The following PTPRD variants were observed in gnomAD, a reference collection of about 807,000 sequenced individuals.
PTPRD encodes protein tyrosine phosphatase receptor type D, also known as receptor-type tyrosine-protein phosphatase delta.
A neutral mutation model predicts 214.5 loss-of-function variants in PTPRD; 34 were observed. The ratio of observed to expected loss-of-function variants is 0.16; its 90% CI spans 0.12 to 0.21. PTPRD has a LOEUF of 0.21. Among genes scored for constraint, PTPRD ranks in the 10% least tolerant of loss-of-function variants. The pLI is 1.00. For synonymous variants in PTPRD, 1,128 were observed against 845.7 expected (o/e 1.33, Z -5.79); for missense variants, 2,545 against 2,398.7 (o/e 1.06, Z -1.27).
At chr9:10,576,470 G>A (rs922859019) in intron 2 of PTPRD, among the ~76,000 whole-genome samples, 2 of 152,072 alleles carry the variant, frequency 1.3e-5, no homozygotes, top group African/African-American at 4.8e-5. Context: ...AGAAATTCAG[G>A]GTCCACGTAA....
At chr9:9,521,672 G>A (rs75040697) in intron 8 of PTPRD, among the ~76,000 whole-genome samples, 1,861 of 152,194 alleles carry the variant, frequency 0.012, 38 homozygotes, top group African/African-American at 0.042. Flanking sequence ...CCTATGCCTC[G>A]TAAATGACAT....
intron 8 of PTPRD, among the ~76,000 whole-genome samples, chr9:9,509,721 G>T (rs921010470): frequency 6.6e-6 from 1 of 151,484 alleles, no homozygotes; most frequent in Non-Finnish European, 1.5e-5. Flanking sequence ...TTTCTGTGCA[G>T]TGAGTAGCAG....
intron 11 of PTPRD, among the ~76,000 whole-genome samples, chr9:8,851,955 C>T (rs12351496): frequency 0.18 from 27,627 of 151,946 alleles, 2,818 homozygotes; most frequent in South Asian, 0.34. Context: ...ATTACATGCA[C>T]GCATGGTTAA....
intron 11 of PTPRD, among the ~76,000 whole-genome samples, chr9:8,830,414 C>G (rs2097264112): frequency 6.6e-6 from 1 of 151,980 alleles, no homozygotes; most frequent in Non-Finnish European, 1.5e-5. Flanking sequence ...TGGGCACTCT[C>G]AAAAGTCCAC....
intron 8 of PTPRD, among the ~76,000 whole-genome samples, chr9:9,444,340 C>A (rs1043007552): frequency 6.6e-6 from 1 of 152,204 alleles, no homozygotes; most frequent in East Asian, 1.9e-4. Flanking sequence ...GATTTGATAT[C>A]TATTTTTTGT....
At chr9:9,218,065 G>A (rs879730969) in intron 9 of PTPRD, among the ~76,000 whole-genome samples, 6 of 152,080 alleles carry the variant, frequency 3.9e-5, no homozygotes, top group Admixed American at 2.6e-4. Context: ...ATCTGTTTAA[G>A]GAACACCTGA....
chr9:8,526,612 G>T lies in PTPRD; in HGVS notation c.568+15C>A. 1 of 1,577,406 alleles carries T rather than the reference G, an allele frequency of 6.3e-7. No individual in the cohort carries two copies. The highest frequency in any genetic ancestry group is 1.8e-5 in the Admixed American group (1 of 55,494). Reference sequence around the variant, plus strand: ...GAGTAAGATCATTCTGTGAACGTTAGTTCAGCACTCTTACCTCTTATTGGT... The same window carrying T: ...GAGTAAGATCATTCTGTGAACGTTATTTCAGCACTCTTACCTCTTATTGGT... On this transcript the variant is annotated intron_variant, in intron 17 of 45. Transcript: ENST00000381196.
At chr9:9,555,328 A>T (rs1215674566) in intron 8 of PTPRD, among the ~76,000 whole-genome samples, 4 of 152,048 alleles carry the variant, frequency 2.6e-5, no homozygotes, top group Admixed American at 1.3e-4. Context: ...ATAATTATTG[A>T]CCAGTCACCT....
At chr9:9,074,363 G>A (rs1021766233) in intron 10 of PTPRD, among the ~76,000 whole-genome samples, 3 of 152,048 alleles carry the variant, frequency 2.0e-5, no homozygotes, top group Non-Finnish European at 4.4e-5. Context: ...TAATGAAAAT[G>A]CTTTAGGATT....
intron 11 of PTPRD, among the ~76,000 whole-genome samples, chr9:8,980,643 G>A (rs993277832): frequency 2.0e-5 from 3 of 152,036 alleles, no homozygotes; most frequent in Non-Finnish European, 4.4e-5. Context: ...CTAAACAGAT[G>A]GAATTTTTCC....
At chr9:9,595,919 C>G (rs564846511) in intron 7 of PTPRD, among the ~76,000 whole-genome samples, 5 of 151,522 alleles carry the variant, frequency 3.3e-5, no homozygotes, top group Admixed American at 2.0e-4. Flanking sequence ...AATCAAACAC[C>G]ACTTCTTCCC....
At chr9:10,532,711 T>C (rs1291285223) in intron 2 of PTPRD, among the ~76,000 whole-genome samples, 1 of 151,204 alleles carries the variant, frequency 6.6e-6, no homozygotes. Flanking sequence ...GCAGGTTTTA[T>C]TCTTTTAATC....
intron 7 of PTPRD, among the ~76,000 whole-genome samples, chr9:9,600,382 A>T (rs2093659163): frequency 6.7e-6 from 1 of 149,470 alleles, no homozygotes; most frequent in African/African-American, 2.5e-5. Context: ...TGAGGATACT[A>T]CTCATGGATC....
Position 8,571,394 on chromosome 9 carries a change from T to C in PTPRD, c.353-42615A>G, listed in dbSNP as rs1192950233. Among the ~76,000 whole-genome samples the C allele has an allele frequency of 5.3e-5, 8 of 152,186 alleles. No homozygotes were observed. In the East Asian group the frequency reaches 1.5e-3, roughly 29 times the overall value. On this transcript the variant is annotated intron_variant, in intron 14 of 45. Transcript: ENST00000381196. ...TAAATGGCAGCAAACTAAGTAGAAATTTAAAATAATAACAAAAACAAAGAC... is the reference window on the plus strand; with the variant it reads ...TAAATGGCAGCAAACTAAGTAGAAACTTAAAATAATAACAAAAACAAAGAC...
At chr9:10,016,163 T>A (rs181932228) in intron 4 of PTPRD, among the ~76,000 whole-genome samples, 44 of 152,324 alleles carry the variant, frequency 2.9e-4, no homozygotes, top group Non-Finnish European at 5.0e-4. Context: ...TTTGGGAGGT[T>A]TGTATATGTA....
chr9:9,149,535 A>C (rs2099874438), intron 10 of PTPRD, among the ~76,000 whole-genome samples: 1 of 152,164 alleles, frequency 6.6e-6, no homozygotes, highest in South Asian at 2.1e-4. Context: ...TGGTGACTCC[A>C]CAAAGTTCAC....
At chr9:10,600,918 G>C (rs957741310) in intron 2 of PTPRD, among the ~76,000 whole-genome samples, 3 of 151,572 alleles carry the variant, frequency 2.0e-5, no homozygotes, top group Admixed American at 6.6e-5. Flanking sequence ...ACAGAGAAAA[G>C]GCAATTATAA....
intron 11 of PTPRD, among the ~76,000 whole-genome samples, chr9:8,907,346 T>C (rs1443977150): frequency 3.3e-5 from 5 of 151,564 alleles, no homozygotes; most frequent in African/African-American, 1.2e-4. Flanking sequence ...AGGAATAAAA[T>C]AGTATTTAAA....
chr9:8,368,078 A>T (rs1235237765), intron 39 of PTPRD, among the ~76,000 whole-genome samples: 1 of 152,184 alleles, frequency 6.6e-6, no homozygotes, highest in Non-Finnish European at 1.5e-5. Context: ...GAGCAGCTCT[A>T]TGTGCTAGGA....
Sources: allele counts gnomAD v4.1 joint callset (sites outside exome capture counted in the v4.1 genomes callset), GRCh38; gene constraint gnomAD v4.1.1; transcripts MANE v1.5; gene names NCBI Gene and HGNC (gene_info 2026-07-23, HGNC 2026-07-21).